GPR158: variants seen among roughly 807,000 people sequenced by gnomAD.
The protein encoded by GPR158 is G protein-coupled receptor 158.
A neutral mutation model predicts 78.2 loss-of-function variants in GPR158; 30 were observed. The ratio of observed to expected loss-of-function variants is 0.38; its 90% CI spans 0.29 to 0.52. GPR158 has a LOEUF of 0.52. Ranked by LOEUF, GPR158 falls within the 20% of genes least tolerant of loss-of-function variation. The pLI, the probability that GPR158 is intolerant of heterozygous loss-of-function variation, is 0.83. For missense variants in GPR158, 1,463 were observed against 1,523.5 expected (o/e 0.96, Z 0.66); for synonymous variants, 581 against 591.1 (o/e 0.98, Z 0.25).
chr10:25,383,994 A>T (rs889813823), intron 2 of GPR158, among the ~76,000 whole-genome samples: 1 of 152,210 alleles, frequency 6.6e-6, no homozygotes, highest in Non-Finnish European at 1.5e-5. Context: ...ATAATAACAG[A>T]GTTGCTATAG....
chr10:25,224,599 C>G (rs1853348192), intron 2 of GPR158, among the ~76,000 whole-genome samples: 1 of 151,742 alleles, frequency 6.6e-6, no homozygotes, highest in Admixed American at 6.6e-5. Context: ...TTTTGAAAAT[C>G]TTAGTTTAAT....
intron 2 of GPR158, among the ~76,000 whole-genome samples, chr10:25,365,205 G>A (rs577448341): frequency 1.3e-5 from 2 of 151,284 alleles, no homozygotes; most frequent in South Asian, 4.2e-4. Flanking sequence ...TGAAAAGATA[G>A]CAATTACATC....
chr10:25,242,153 T>C (rs576285572), intron 2 of GPR158, among the ~76,000 whole-genome samples: 1 of 152,324 alleles, frequency 6.6e-6, no homozygotes, highest in East Asian at 1.9e-4. Context: ...CAGCTTTTAA[T>C]AGCATAAAAT....
intron 2 of GPR158, among the ~76,000 whole-genome samples, chr10:25,323,988 T>C (rs891028747): frequency 2.6e-5 from 4 of 152,232 alleles, no homozygotes; most frequent in African/African-American, 9.6e-5. Context: ...TCAGACTTCA[T>C]AGAATTGAAG....
At chr10:25,397,097 C>T (rs1834370715) in intron 3 of GPR158, among the ~76,000 whole-genome samples, 1 of 152,170 alleles carries the variant, frequency 6.6e-6, no homozygotes, top group African/African-American at 2.4e-5. Flanking sequence ...AGTGCCTCTC[C>T]TATCACTTCA....
chr10:25,487,108 G>A (rs76416181), intron 5 of GPR158, among the ~76,000 whole-genome samples: 19 of 152,140 alleles, frequency 1.2e-4, no homozygotes, highest in African/African-American at 4.6e-4. Context: ...TTAAGAGGTG[G>A]ATATCTGTGG....
intron 2 of GPR158, among the ~76,000 whole-genome samples, chr10:25,347,085 T>A (rs1371377766): frequency 6.6e-6 from 1 of 151,970 alleles, no homozygotes; most frequent in African/African-American, 2.4e-5. Context: ...CCTGTATTTG[T>A]TCTCTTATGA....
At chr10:25,525,416 T>C (rs1390269673) in intron 5 of GPR158, among the ~76,000 whole-genome samples, 1 of 152,220 alleles carries the variant, frequency 6.6e-6, no homozygotes, top group African/African-American at 2.4e-5. Context: ...CACAATGTAT[T>C]ATATCTATAC....
chr10:25,408,805 T>C (rs982145447), intron 3 of GPR158, among the ~76,000 whole-genome samples: 3 of 152,180 alleles, frequency 2.0e-5, no homozygotes, highest in African/African-American at 4.8e-5. Flanking sequence ...CACCATGTCC[T>C]GAAGGTTTTG....
At chr10:25,491,526 A>G (rs537466572) in intron 5 of GPR158, among the ~76,000 whole-genome samples, 1 of 152,328 alleles carries the variant, frequency 6.6e-6, no homozygotes, top group South Asian at 2.1e-4. Context: ...AATGTTGACT[A>G]ATAACTATCT....
intron 1 of GPR158, among the ~76,000 whole-genome samples, chr10:25,186,133 A>T (rs1447476862): frequency 6.6e-6 from 1 of 152,246 alleles, no homozygotes; most frequent in African/African-American, 2.4e-5. Context: ...CTGGGTACAT[A>T]ACGAAATGAA....
intron 1 of GPR158, among the ~76,000 whole-genome samples, chr10:25,216,100 GC>G (rs1392298738): frequency 3.3e-5 from 5 of 152,208 alleles, no homozygotes; most frequent in African/African-American, 1.2e-4. Flanking sequence ...GGCCCTTTTA[GC>G]TTTTGCTTGT....
chr10:25,355,171 T>C (rs1015869284), intron 2 of GPR158, among the ~76,000 whole-genome samples: 3 of 143,262 alleles, frequency 2.1e-5, no homozygotes, highest in African/African-American at 8.7e-5. Flanking sequence ...AACTCCCTCT[T>C]GAACACTGGT....
In GPR158 at chr10:25,214,713, G is replaced by A. The variant is rs148162073; in HGVS notation, c.903-6339G>A. ...GTTAAAATGAGGTCATTTAGGGTGG[G>A]TCCTAATCCAACTTGACTGATGTCC... is the stretch of plus-strand genomic sequence containing the variant. On this transcript the variant is annotated intron_variant, in intron 1 of 10. Transcript: ENST00000376351. Among the ~76,000 whole-genome samples, 251 of 152,044 alleles carry A rather than the reference G, an allele frequency of 1.7e-3. 2 individuals carry two copies. The highest frequency in any genetic ancestry group is 5.9e-3 in the African/African-American group (246 of 41,488).
At chr10:25,498,718 C>T (rs1437165632) in intron 5 of GPR158, among the ~76,000 whole-genome samples, 1 of 152,144 alleles carries the variant, frequency 6.6e-6, no homozygotes, top group Non-Finnish European at 1.5e-5. Flanking sequence ...TAATAATCCT[C>T]CCACTGTCTG....
chr10:25,374,324 T>C (rs1834045369), intron 2 of GPR158, among the ~76,000 whole-genome samples: 1 of 151,634 alleles, frequency 6.6e-6, no homozygotes, highest in Admixed American at 6.6e-5. Context: ...TATTCATCAC[T>C]CTGTATTCCC....
At chr10:25,324,909 G>A (rs577449554) in intron 2 of GPR158, among the ~76,000 whole-genome samples, 2 of 145,138 alleles carry the variant, frequency 1.4e-5, no homozygotes, top group South Asian at 4.3e-4. Context: ...CATGATCATA[G>A]CTCACTCCAG....
At position 25,531,161 on chromosome 10, in the gene GPR158, T is replaced by C. The variant is rs543512168; in HGVS notation, c.1405-19815T>C. ...ACCTTTAAGATAACATATATTTTTA[T>C]ATGAAAACAAATTTTTTATAGAGAA... On this transcript the variant is annotated intron_variant, in intron 5 of 10. Coordinates refer to ENST00000376351, the MANE Select transcript of GPR158 (RefSeq NM_020752.3). 3.3e-5 allele frequency among the ~76,000 whole-genome samples: 5 copies of C among 152,350 alleles called. No individual in the cohort carries two copies. The East Asian group carries it at 9.6e-4, about 29-fold the overall frequency.
intron 2 of GPR158, among the ~76,000 whole-genome samples, chr10:25,269,037 A>G (rs192909471): frequency 1.3e-5 from 2 of 152,286 alleles, no homozygotes; most frequent in South Asian, 2.1e-4. Flanking sequence ...GTTTTCACCT[A>G]TACAATGGAC....
Sources: gnomAD v4.1 joint callset for allele counts (sites outside exome capture counted in the v4.1 genomes callset) on GRCh38, gnomAD v4.1.1 for gene constraint, MANE v1.5 for transcripts, NCBI Gene and HGNC (gene_info 2026-07-23, HGNC 2026-07-21) for gene names.